Variants in FAM20B observed in about 807,000 individuals in gnomAD.
FAM20B encodes the protein glycosaminoglycan xylosylkinase.
Under a neutral mutation model 43.8 loss-of-function variants are expected in FAM20B, and 23 were observed. The observed-to-expected ratio is 0.53, with a 90% confidence interval of 0.38 to 0.74. FAM20B has a LOEUF of 0.74. Ranked by LOEUF, FAM20B falls within the 30% of genes least tolerant of loss-of-function variation. FAM20B has a pLI of 0.00. For synonymous variants in FAM20B, 178 were observed against 192.4 expected, an observed-to-expected ratio of 0.93 and a Z score of 0.62; for missense variants, 440 against 510.5, an observed-to-expected ratio of 0.86 and a Z score of 1.33.
Position 179,044,000 on chromosome 1 carries a change from G to A in FAM20B, c.153G>A (p.Glu51=). 6.2e-7 allele frequency: 1 copy of A among 1,614,172 alleles called. No homozygotes were observed. The highest frequency in any genetic ancestry group is 1.7e-5 in the Admixed American group (1 of 60,026). The change falls in exon 2 of 8, where the codon GAG becomes GAA. Residue 51 remains glutamate (E), a synonymous_variant. Coordinates refer to ENST00000263733, the MANE Select transcript of FAM20B (RefSeq NM_014864.4). ...FHRMMTGLRV[E]LAPKLDHTLQ... ...GAATGATGACTGGCTTGCGGGTGGA[G>A]CTGGCACCCAAGCTGGACCATACCT...
intron 1 of FAM20B, among the ~76,000 whole-genome samples, chr1:179,038,657 A>G (rs569978011): frequency 1.1e-4 from 17 of 152,346 alleles, no homozygotes; most frequent in African/African-American, 4.1e-4. Context: ...TGTGTGGTTT[A>G]GGTTGCATTA....
chr1:179,018,312 G>T, the FAM20B span, among the ~76,000 whole-genome samples: 1 of 152,082 alleles, frequency 6.6e-6, no homozygotes, highest in Non-Finnish European at 1.5e-5. Context: ...GAATACCAAA[G>T]ATCTTTTTTT....
At chr1:179,038,789 T>C (rs1650356941) in intron 1 of FAM20B, among the ~76,000 whole-genome samples, 1 of 152,248 alleles carries the variant, frequency 6.6e-6, no homozygotes, top group African/African-American at 2.4e-5. Context: ...TTAGATGCAC[T>C]TGAATTGCCT....
chr1:179,075,757 C>G lies in FAM20B; in HGVS notation c.*3613C>G, dbSNP rs988933368. On this transcript the variant is annotated 3_prime_UTR_variant, in exon 8 of 8. Coordinates refer to ENST00000263733, the MANE Select transcript of FAM20B (RefSeq NM_014864.4). The stretch of plus-strand genomic sequence containing the variant: ...AGCCAGCATTATCTTCCAAAGAAAT[C>G]GATCTTTTTTTTCTAAAAAAAAAAA... 1 of 152,110 alleles carries G rather than the reference C, an allele frequency of 6.6e-6. No homozygotes were observed. The highest frequency in any genetic ancestry group is 1.5e-5 in the Non-Finnish European group (1 of 67,948). 9.4% of individuals were successfully genotyped at this position (152,110 alleles called of 1,614,324 possible). A position where few individuals can be genotyped will look rare whatever the true frequency, so the allele number is the denominator to read the frequency against.
Position 179,073,478 on chromosome 1 carries a change from G to C in FAM20B, c.*1334G>C, listed in dbSNP as rs1247047082. The C allele has an allele frequency of 6.6e-6, 1 of 152,108 alleles. No homozygotes were observed. Among genetic ancestry groups the C allele is most frequent in the Non-Finnish European group, 1.5e-5 (1 of 68,030 alleles). 9.4% of individuals were successfully genotyped at this position (152,108 alleles called of 1,614,324 possible). ...TTACAGGCGCCCGCCATCGTGCCCAGCTAATTTTTATATTTTTAGTGGAGA... is the reference window on the plus strand; with the variant it reads ...TTACAGGCGCCCGCCATCGTGCCCACCTAATTTTTATATTTTTAGTGGAGA... On this transcript the variant is annotated 3_prime_UTR_variant, in exon 8 of 8. Transcript: ENST00000263733.
chr1:179,028,313 G>T (rs2102478605), intron 1 of FAM20B, among the ~76,000 whole-genome samples: 1 of 152,350 alleles, frequency 6.6e-6, no homozygotes, highest in South Asian at 2.1e-4. Flanking sequence ...GTCGGGCGCG[G>T]TGGCTTATGC....
chr1:179,068,658 A>T (rs766801061), intron 7 of FAM20B, among the ~76,000 whole-genome samples: 8 of 151,558 alleles, frequency 5.3e-5, no homozygotes, highest in Middle Eastern at 3.2e-3. Context: ...CTGGTCTAGA[A>T]CTCCTGACCT....
intron 2 of FAM20B, among the ~76,000 whole-genome samples, chr1:179,046,604 A>T (rs1650783885): frequency 1.3e-5 from 2 of 152,088 alleles, no homozygotes; most frequent in African/African-American, 4.8e-5. Flanking sequence ...GTGAGCTGAG[A>T]TTGCACCATT....
intron 4 of FAM20B, among the ~76,000 whole-genome samples, chr1:179,059,419 C>T (rs1039249807): frequency 6.6e-6 from 1 of 152,132 alleles, no homozygotes; most frequent in Admixed American, 6.6e-5. Context: ...CTCCATTTTA[C>T]AGAAGTTGCT....
upstream of FAM20B, among the ~76,000 whole-genome samples, chr1:179,022,343 G>A (rs948680884): frequency 6.6e-6 from 1 of 152,120 alleles, no homozygotes; most frequent in East Asian, 1.9e-4. Context: ...TTGGAACAGC[G>A]TGAGCTTTCC....
rs1651997491 is a variant in FAM20B at position 179,073,132 on chromosome 1, T to C, written c.*988T>C. ...AATTTCCACCTCTGCCTTTAAGGCATTTTTGTCACTGAAGCTGCTGTTCCC... is the reference window on the plus strand; with the variant it reads ...AATTTCCACCTCTGCCTTTAAGGCACTTTTGTCACTGAAGCTGCTGTTCCC... On this transcript the variant is annotated 3_prime_UTR_variant, in exon 8 of 8. Coordinates refer to ENST00000263733, the MANE Select transcript of FAM20B (RefSeq NM_014864.4). 6.6e-6 allele frequency: 1 copy of C among 152,208 alleles called. No individual in the cohort carries two copies. The highest frequency in any genetic ancestry group is 2.4e-5 in the African/African-American group (1 of 41,454). The allele number at this position is 152,208 out of a possible 1,614,324, so 9.4% of individuals were successfully genotyped here. A position where few individuals can be genotyped will look rare whatever the true frequency, so the allele number is the denominator to read the frequency against.
chr1:179,050,505 C>A, intron 3 of FAM20B, 140 bp downstream of exon 3: 1 of 603,646 alleles, frequency 1.7e-6, no homozygotes, highest in Non-Finnish European at 3.0e-6. Context: ...TTGACTAGTT[C>A]CATTAAACTT....
intron 6 of FAM20B, among the ~76,000 whole-genome samples, chr1:179,066,248 C>T (rs572372356): frequency 6.6e-6 from 1 of 152,274 alleles, no homozygotes; most frequent in Non-Finnish European, 1.5e-5. Flanking sequence ...CTCTGAATTG[C>T]TGCTAAGGTA....
intron 1 of FAM20B, among the ~76,000 whole-genome samples, chr1:179,030,752 T>A (rs1414084794): frequency 6.6e-6 from 1 of 152,140 alleles, no homozygotes; most frequent in Non-Finnish European, 1.5e-5. Flanking sequence ...CTCCTTTTAT[T>A]CCACAAACAC....
chr1:179,030,345 GTTC>G (rs1054411242), intron 1 of FAM20B, among the ~76,000 whole-genome samples: 3 of 151,960 alleles, frequency 2.0e-5, no homozygotes, highest in African/African-American at 7.3e-5. Flanking sequence ...ACTCGTGTGG[GTTC>G]TTGTTTCAGA....
At chr1:179,062,281 T>A (rs988674695) in intron 4 of FAM20B, among the ~76,000 whole-genome samples, 3 of 152,096 alleles carry the variant, frequency 2.0e-5, no homozygotes. Context: ...AGGACAGAGG[T>A]GGGAAATATA....
chr1:179,033,701 CTTTTTT>C (rs750043052), intron 1 of FAM20B, among the ~76,000 whole-genome samples: 5 of 151,950 alleles, frequency 3.3e-5, no homozygotes, highest in Non-Finnish European at 5.9e-5. Flanking sequence ...TTTTCTTTTT[CTTTTTT>C]TCTTTTGAGA....
chr1:179,043,423 G>A (rs1650627271), intron 1 of FAM20B, among the ~76,000 whole-genome samples: 1 of 152,164 alleles, frequency 6.6e-6, no homozygotes, highest in Non-Finnish European at 1.5e-5. Context: ...CACCATCTTG[G>A]AAGAGGGCAG....
intron 2 of FAM20B, among the ~76,000 whole-genome samples, chr1:179,047,155 T>C (rs1411570201): frequency 1.3e-5 from 2 of 152,130 alleles, no homozygotes; most frequent in African/African-American, 4.8e-5. Flanking sequence ...AGACAAGATA[T>C]AAGTGGTGGG....
Sources: allele counts gnomAD v4.1 joint callset (sites outside exome capture counted in the v4.1 genomes callset), GRCh38; gene constraint gnomAD v4.1.1; transcripts MANE v1.5; gene names NCBI Gene and HGNC (gene_info 2026-07-23, HGNC 2026-07-21).